The following KIF14 variants were observed in gnomAD, a reference collection of about 807,000 sequenced individuals.
KIF14 encodes kinesin family member 14.
A neutral mutation model predicts 176.2 loss-of-function variants in KIF14; 98 were observed. That is an observed-to-expected ratio of 0.56 (90% confidence interval 0.47 to 0.66). KIF14 has a LOEUF of 0.66. Among genes scored for constraint, KIF14 ranks in the 30% least tolerant of loss-of-function variants. The pLI, the probability that KIF14 is intolerant of heterozygous loss-of-function variation, is 0.00. For synonymous variants in KIF14, 566 were observed against 632.2 expected (o/e 0.90, Z 1.57); for missense variants, 1,751 against 1,920.4 (o/e 0.91, Z 1.65).
At chr1:200,570,059 T>G (rs1657692533) in intron 22 of KIF14, 54 bp from the exon 23 acceptor site, 1 of 792,026 alleles carries the variant, frequency 1.3e-6, no homozygotes, top group Admixed American at 2.4e-5. Flanking sequence ...GGAATAATAT[T>G]ATTAAGAATA....
At chr1:200,557,636 G>T (rs1656906322) in intron 27 of KIF14, among the ~76,000 whole-genome samples, 1 of 152,130 alleles carries the variant, frequency 6.6e-6, no homozygotes, top group Non-Finnish European at 1.5e-5. Context: ...TAACCCTGTA[G>T]TATGAGCAAA....
At chr1:200,578,584 T>TA (rs777504630) in intron 21 of KIF14, among the ~76,000 whole-genome samples, 2 of 151,972 alleles carry the variant, frequency 1.3e-5, no homozygotes, top group Non-Finnish European at 2.9e-5. Flanking sequence ...TTTTTTTTTT[T>TA]AATTAAAAGA....
At chr1:200,568,388 T>C (rs1306195632) in intron 23 of KIF14, among the ~76,000 whole-genome samples, 1 of 152,192 alleles carries the variant, frequency 6.6e-6, no homozygotes, top group African/African-American at 2.4e-5. Context: ...TTAGATTAAA[T>C]AAGTAGTAGG....
chr1:200,587,370 A>G (rs1288311050), intron 18 of KIF14, among the ~76,000 whole-genome samples: 1 of 151,456 alleles, frequency 6.6e-6, no homozygotes, highest in African/African-American at 2.4e-5. Context: ...GAAAACCCCA[A>G]AAAGGCAGAA....
intron 21 of KIF14, among the ~76,000 whole-genome samples, chr1:200,578,782 T>G (rs1658273807): frequency 6.6e-6 from 1 of 152,186 alleles, no homozygotes; most frequent in Admixed American, 6.5e-5. Flanking sequence ...CTATATTAAT[T>G]TCCTACATTT....
chr1:200,591,687 G>A (rs967311964), intron 16 of KIF14, among the ~76,000 whole-genome samples: 1 of 152,006 alleles, frequency 6.6e-6, no homozygotes, highest in African/African-American at 2.4e-5. Context: ...CTCCTCTATG[G>A]GACGTCTTCT....
At chr1:200,605,193 T>C in intron 8 of KIF14, 90 bp downstream of exon 8, 1 of 1,246,768 alleles carries the variant, frequency 8.0e-7, no homozygotes. Context: ...GAAAACTGAA[T>C]GAGATCGGGA....
intron 5 of KIF14, among the ~76,000 whole-genome samples, chr1:200,607,990 C>T (rs559713935): frequency 1.4e-4 from 22 of 152,244 alleles, no homozygotes; most frequent in East Asian, 5.8e-4. Flanking sequence ...TGAGCCAACA[C>T]GCCCAGCCGT....
intron 4 of KIF14, among the ~76,000 whole-genome samples, chr1:200,613,466 T>G (rs921927663): frequency 6.6e-6 from 1 of 152,214 alleles, no homozygotes; most frequent in East Asian, 1.9e-4. Context: ...CTTTAGTTTG[T>G]TTAGCATTTA....
At chr1:200,567,517 G>C (rs12403782) in intron 23 of KIF14, among the ~76,000 whole-genome samples, 1 of 142,358 alleles carries the variant, frequency 7.0e-6, no homozygotes, top group African/African-American at 2.6e-5. Context: ...CTGGGAGACA[G>C]AGCGAGACTC....
chr1:200,567,789 G>C (rs1657551061), intron 23 of KIF14, among the ~76,000 whole-genome samples: 1 of 151,490 alleles, frequency 6.6e-6, no homozygotes, highest in African/African-American at 2.4e-5. Flanking sequence ...GTAGAATAAA[G>C]GCATAGGATG....
chr1:200,572,545 G>T (rs1306741824), intron 22 of KIF14, among the ~76,000 whole-genome samples: 2 of 151,982 alleles, frequency 1.3e-5, no homozygotes, highest in East Asian at 3.9e-4. Context: ...GGGTTTCACC[G>T]TGTTAGCCAG....
intron 16 of KIF14, among the ~76,000 whole-genome samples, chr1:200,590,897 G>A (rs1166549249): frequency 6.6e-6 from 1 of 152,072 alleles, no homozygotes; most frequent in Admixed American, 6.6e-5. Context: ...GTGGTGGTGT[G>A]CGCCTATAGT....
chr1:200,556,705 C>A (rs1278959880), intron 27 of KIF14, among the ~76,000 whole-genome samples: 2 of 152,214 alleles, frequency 1.3e-5, no homozygotes, highest in Non-Finnish European at 1.5e-5. Context: ...TTATTCTATA[C>A]CCTTCTGCAC....
At position 200,601,820 on chromosome 1, in the gene KIF14, C is replaced by T; in HGVS notation, c.2152+76G>A. On this transcript the variant is annotated intron_variant, in intron 11 of 29. Transcript: ENST00000367350. Reference sequence around the variant, plus strand: ...AAACACCTTTGATGTTCATAAATTACATATTTTAAGACTGCAACTAATATC... The same window carrying T: ...AAACACCTTTGATGTTCATAAATTATATATTTTAAGACTGCAACTAATATC... 4 of 1,117,982 alleles carry T rather than the reference C, an allele frequency of 3.6e-6. No homozygotes were observed. The South Asian group carries it at 6.0e-5, about 17-fold the overall frequency. The allele number at this position is 1,117,982 out of a possible 1,614,324, so 69.3% of individuals were successfully genotyped here.
At chr1:200,586,301 T>A in intron 18 of KIF14, 74 bp from the exon 19 acceptor site, 1 of 1,277,180 alleles carries the variant, frequency 7.8e-7, no homozygotes, top group Non-Finnish European at 1.1e-6. Flanking sequence ...CACATTGAGA[T>A]GATGGATATG....
At chr1:200,561,979 A>T (rs972476793) in intron 25 of KIF14, among the ~76,000 whole-genome samples, 1 of 152,134 alleles carries the variant, frequency 6.6e-6, no homozygotes, top group South Asian at 2.1e-4. Context: ...TCCCACATGC[A>T]CTCAGAGTAC....
rs1337447090 is a variant in KIF14, at chr1:200,610,256, T to G, written c.1456-1328A>C. 3.3e-5 allele frequency among the ~76,000 whole-genome samples: 5 copies of G among 152,242 alleles called. No homozygotes were observed. In the East Asian group the frequency reaches 9.7e-4, roughly 29 times the overall value. Reference sequence around the variant, plus strand: ...TGGCTCACGCCTGTAATCCTAGCACTCTGGGAGGCCAAGGCAGGTGGATTA... The same window carrying G: ...TGGCTCACGCCTGTAATCCTAGCACGCTGGGAGGCCAAGGCAGGTGGATTA... On this transcript the variant is annotated intron_variant, in intron 4 of 29. Coordinates refer to ENST00000367350, the MANE Select transcript of KIF14 (RefSeq NM_014875.3).
intron 17 of KIF14, 90 bp from the exon 18 acceptor site, chr1:200,589,459 TACTC>T: frequency 9.4e-7 from 1 of 1,060,578 alleles, no homozygotes; most frequent in Non-Finnish European, 1.3e-6. Context: ...TACAAGAAAT[TACTC>T]ACTAATAGAA....
Sources: allele counts gnomAD v4.1 joint callset (sites outside exome capture counted in the v4.1 genomes callset), GRCh38; gene constraint gnomAD v4.1.1; transcripts MANE v1.5; gene names NCBI Gene and HGNC (gene_info 2026-07-23, HGNC 2026-07-21).